Variants in CCSER1 observed in about 807,000 individuals in gnomAD.
CCSER1 encodes serine-rich coiled-coil domain-containing protein 1.
In CCSER1, 41 loss-of-function variants were observed where a neutral mutation model predicts 82.0. That is an observed-to-expected ratio of 0.50 (90% CI 0.39 to 0.65). CCSER1 has a LOEUF of 0.65. Ranked by LOEUF, CCSER1 falls within the 30% of genes least tolerant of loss-of-function variation. CCSER1 has a pLI of 0.00. For synonymous variants in CCSER1, 414 were observed against 383.9 expected, an observed-to-expected ratio of 1.08 and a Z score of -0.92; for missense variants, 1,119 against 1,064.2, an observed-to-expected ratio of 1.05 and a Z score of -0.72.
intron 8 of CCSER1, chr4:90,918,451 T>G (rs1460656812): frequency 3.0e-6 from 1 of 328,718 alleles, no homozygotes; most frequent in Non-Finnish European, 6.0e-6. Flanking sequence ...CCTAGTCACT[T>G]GAGACTTCAT....
intron 5 of CCSER1, among the ~76,000 whole-genome samples, chr4:90,514,194 CTT>C (rs1241438856): frequency 6.6e-6 from 1 of 152,052 alleles, no homozygotes; most frequent in Non-Finnish European, 1.5e-5. Context: ...TTTCATAACT[CTT>C]GAATTTGACG....
intron 10 of CCSER1, among the ~76,000 whole-genome samples, chr4:91,431,106 G>A (rs1754274811): frequency 2.6e-5 from 4 of 152,006 alleles, no homozygotes; most frequent in Non-Finnish European, 2.9e-5. Flanking sequence ...CGTGGTGGCG[G>A]GCGCCTGTAG....
intron 10 of CCSER1, among the ~76,000 whole-genome samples, chr4:91,361,017 G>A (rs1386062579): frequency 1.3e-5 from 2 of 151,682 alleles, no homozygotes; most frequent in Non-Finnish European, 2.9e-5. Flanking sequence ...TTCATAAGAT[G>A]GTAGGTATTT....
intron 10 of CCSER1, among the ~76,000 whole-genome samples, chr4:91,447,878 G>A (rs936608935): frequency 6.6e-6 from 1 of 152,012 alleles, no homozygotes; most frequent in African/African-American, 2.4e-5. Flanking sequence ...GCATGCTTGT[G>A]TCTTTAATTT....
intron 10 of CCSER1, among the ~76,000 whole-genome samples, chr4:91,500,710 CT>C (rs1172002896): frequency 6.6e-6 from 1 of 151,890 alleles, no homozygotes; most frequent in East Asian, 1.9e-4. Flanking sequence ...ACATTTTGTG[CT>C]TAGATTTTCC....
chr4:91,237,549 T>C (rs768112824), intron 10 of CCSER1, among the ~76,000 whole-genome samples: 3 of 152,182 alleles, frequency 2.0e-5, no homozygotes, highest in Non-Finnish European at 2.9e-5. Context: ...TCTAAAAATA[T>C]GTAGCATGTA....
intron 5 of CCSER1, among the ~76,000 whole-genome samples, chr4:90,616,743 A>AC (rs1403016441): frequency 7.3e-5 from 6 of 82,452 alleles, no homozygotes; most frequent in African/African-American, 3.0e-4. Context: ...ACACACAAAT[A>AC]AAATAAAATA....
chr4:91,144,243 A>T (rs1431798582), intron 10 of CCSER1, among the ~76,000 whole-genome samples: 1 of 151,576 alleles, frequency 6.6e-6, no homozygotes, highest in Non-Finnish European at 1.5e-5. Context: ...TTTCTAGTTG[A>T]TGTGCATATA....
chr4:90,613,603 A>C (rs528741950), intron 5 of CCSER1, among the ~76,000 whole-genome samples: 1 of 152,280 alleles, frequency 6.6e-6, no homozygotes, highest in Admixed American at 6.5e-5. Flanking sequence ...GAAGGTTTTC[A>C]GTTTACTTTG....
intron 10 of CCSER1, among the ~76,000 whole-genome samples, chr4:91,130,257 A>T (rs1171061375): frequency 6.6e-6 from 1 of 151,850 alleles, no homozygotes; most frequent in Non-Finnish European, 1.5e-5. Context: ...ATATTATTTT[A>T]AAAACATTAA....
chr4:91,039,308 G>A (rs1302150763), intron 9 of CCSER1, among the ~76,000 whole-genome samples: 1 of 151,754 alleles, frequency 6.6e-6, no homozygotes, highest in Non-Finnish European at 1.5e-5. Flanking sequence ...CTCCCAAAGT[G>A]CTGAGATTAT....
chr4:91,017,236 A>G (rs62309840), intron 9 of CCSER1: 41,730 of 152,054 alleles, frequency 0.27, 6,902 homozygotes, highest in East Asian at 0.39. Context: ...GTGGAGGCCC[A>G]AGGAAAATGA....
intron 10 of CCSER1, among the ~76,000 whole-genome samples, chr4:91,456,557 T>C: frequency 6.7e-6 from 1 of 148,718 alleles, no homozygotes; most frequent in East Asian, 1.9e-4. Context: ...TTCTGTTCTC[T>C]TTTTTTAAGT....
At chr4:91,507,485 G>A (rs1271218273) in intron 10 of CCSER1, among the ~76,000 whole-genome samples, 1 of 151,944 alleles carries the variant, frequency 6.6e-6, no homozygotes, top group Non-Finnish European at 1.5e-5. Context: ...CTGGAGTGCA[G>A]TGACGCGATC....
At chr4:91,467,214 C>CATCTG (rs1756966800) in intron 10 of CCSER1, among the ~76,000 whole-genome samples, 1 of 149,048 alleles carries the variant, frequency 6.7e-6, no homozygotes. Context: ...CATCTACAAC[C>CATCTG]ATCTTTGACA....
chr4:90,691,338 T>A (rs538273533), intron 6 of CCSER1, among the ~76,000 whole-genome samples: 11 of 152,088 alleles, frequency 7.2e-5, no homozygotes, highest in African/African-American at 2.6e-4. Flanking sequence ...TTCCTAAAGC[T>A]AACACAGCTT....
intron 5 of CCSER1, among the ~76,000 whole-genome samples, chr4:90,483,797 C>A (rs949188296): frequency 6.6e-6 from 1 of 152,172 alleles, no homozygotes; most frequent in Non-Finnish European, 1.5e-5. Flanking sequence ...TCTCTGGCTG[C>A]CCTTAACATT....
At chr4:90,325,800 A>T (rs1738071472) in intron 3 of CCSER1, 1 of 250,200 alleles carries the variant, frequency 4.0e-6, no homozygotes. Context: ...TAACATCAAT[A>T]AATTAAATAA....
chr4:90,902,341 C>T (rs768002170), intron 8 of CCSER1, among the ~76,000 whole-genome samples: 1 of 151,842 alleles, frequency 6.6e-6, no homozygotes, highest in African/African-American at 2.4e-5. Flanking sequence ...TAGTATGATC[C>T]TTTGGAAGAT....
Sources: allele counts gnomAD v4.1 joint callset (sites outside exome capture counted in the v4.1 genomes callset), GRCh38; gene constraint gnomAD v4.1.1; transcripts MANE v1.5; gene names NCBI Gene and HGNC (gene_info 2026-07-23, HGNC 2026-07-21).